The following SUGT1 variants were observed in gnomAD, a reference collection of about 807,000 sequenced individuals.
SUGT1 encodes the protein protein SGT1 homolog.
Under a neutral mutation model 56.1 loss-of-function variants are expected in SUGT1, and 15 were observed. The ratio of observed to expected loss-of-function variants is 0.27; its 90% CI spans 0.18 to 0.41. SUGT1 has a LOEUF of 0.41. Among genes scored for constraint, SUGT1 ranks in the 10% least tolerant of loss-of-function variants. SUGT1 has a pLI of 1.00. For missense variants in SUGT1, 347 were observed against 382.2 expected (o/e 0.91, Z 0.77); for synonymous variants, 123 against 128.6 (o/e 0.96, Z 0.30).
chr13:52,667,448 G>A (rs1251901392), intron 10 of SUGT1, among the ~76,000 whole-genome samples: 1 of 152,048 alleles, frequency 6.6e-6, no homozygotes, highest in African/African-American at 2.4e-5. Flanking sequence ...GGATCCAAGT[G>A]ATTCTCCTGC....
chr13:52,662,845 C>G (rs1962527718), intron 6 of SUGT1, 143 bp downstream of exon 6: 5 of 900,688 alleles, frequency 5.6e-6, no homozygotes, highest in Non-Finnish European at 6.6e-6. Flanking sequence ...TCCAAAGATA[C>G]ACTGGTTTTT....
chr13:52,682,689 T>A (rs975553993), intron 12 of SUGT1, among the ~76,000 whole-genome samples: 16 of 152,200 alleles, frequency 1.1e-4, no homozygotes, highest in African/African-American at 3.6e-4. Context: ...ATTTCTAAGT[T>A]CCCCACTGTG....
chr13:52,691,559 G>A lies in SUGT1; in HGVS notation c.*3724G>A, dbSNP rs374252022. On this transcript the variant is annotated 3_prime_UTR_variant, in exon 13 of 13. Coordinates refer to ENST00000310528, the MANE Select transcript of SUGT1 (RefSeq NM_006704.5). ...TGGAATCTTTCCTGTTCAGATTGGT[G>A]TGCATCTCTCTGAACTTGTAGCTTT... The A allele has an allele frequency of 2.6e-4, 39 of 152,194 alleles. No homozygotes were observed. Among genetic ancestry groups the A allele is most frequent in the African/African-American group, 9.4e-4 (39 of 41,520 alleles). 9.4% of individuals were successfully genotyped at this position (152,194 alleles called of 1,614,324 possible). A position where few individuals can be genotyped will look rare whatever the true frequency, so the allele number is the denominator to read the frequency against.
intron 12 of SUGT1, among the ~76,000 whole-genome samples, chr13:52,686,318 C>T (rs993162721): frequency 4.6e-5 from 7 of 152,130 alleles, no homozygotes; most frequent in African/African-American, 7.2e-5. Flanking sequence ...CTTAGAACTA[C>T]GATATGAATA....
At chr13:52,681,913 G>GC (rs1277325573) in intron 12 of SUGT1, among the ~76,000 whole-genome samples, 1 of 12,082 alleles carries the variant, frequency 8.3e-5, no homozygotes, top group Non-Finnish European at 1.5e-4. Context: ...CTATCTTATG[G>GC]CCATACTAAC....
At chr13:52,686,546 G>A (rs1242286182) in intron 12 of SUGT1, among the ~76,000 whole-genome samples, 1 of 152,180 alleles carries the variant, frequency 6.6e-6, no homozygotes, top group East Asian at 1.9e-4. Flanking sequence ...TTCATGTTTG[G>A]AAGATGACTA....
At chr13:52,685,700 G>A (rs1030143123) in intron 12 of SUGT1, among the ~76,000 whole-genome samples, 1 of 152,084 alleles carries the variant, frequency 6.6e-6, no homozygotes, top group Non-Finnish European at 1.5e-5. Flanking sequence ...TGGAATATAC[G>A]AGGGGCTTCT....
intron 10 of SUGT1, among the ~76,000 whole-genome samples, chr13:52,674,086 G>T (rs972730877): frequency 9.0e-6 from 1 of 111,086 alleles, no homozygotes; most frequent in African/African-American, 3.6e-5. Context: ...ACAGAGTCTC[G>T]CTCTGTTGCC....
Position 52,687,736 on chromosome 13 carries a change from G to T in SUGT1, c.903G>T (p.Met301Ile). ...EVKRAMNKSFMESGGTVLSTN... is the reference protein window; with the variant it reads ...EVKRAMNKSFIESGGTVLSTN... ...TCTATTTTTATTTTTCATTGCAGAT[G>T]GAGTCGGGTGGTACAGTTTTGAGTA... is the stretch of plus-strand genomic sequence containing the variant. The change falls in exon 13 of 13, where the codon ATG (methionine) becomes ATT (isoleucine). Residue 301 changes from methionine (M) to isoleucine (I), a missense_variant and splice_region_variant. By Grantham distance (10) the Met-to-Ile change is conservative. Transcript: ENST00000310528. The T allele has an allele frequency of 6.4e-7, 1 of 1,573,858 alleles. No homozygotes were observed. Among genetic ancestry groups the T allele is most frequent in the Non-Finnish European group, 8.6e-7 (1 of 1,166,436 alleles).
rs775758808 is a variant in SUGT1 at position 52,688,141 on chromosome 13, G to A, written c.*306G>A. ...GAGAAATCTTTAATGGTATATTTTC[G>A]GTTATTGCCTTATTTTTGATACAGT... is the stretch of plus-strand genomic sequence containing the variant. On this transcript the variant is annotated 3_prime_UTR_variant, in exon 13 of 13. Transcript: ENST00000310528. The A allele has an allele frequency of 1.1e-4, 19 of 167,774 alleles. No individual in the cohort carries two copies. The highest frequency in any genetic ancestry group is 2.9e-4 in the African/African-American group (12 of 41,936). 10.4% of individuals were successfully genotyped at this position (167,774 alleles called of 1,614,324 possible). A position where few individuals can be genotyped will look rare whatever the true frequency, so the allele number is the denominator to read the frequency against.
rs1963744461 is a variant in SUGT1, at chr13:52,690,419, TA to T, written c.*2585del. The T allele has an allele frequency of 6.6e-6, 1 of 152,108 alleles. No individual in the cohort carries two copies. The highest frequency in any genetic ancestry group is 2.1e-4 in the South Asian group (1 of 4,822). The allele number at this position is 152,108 out of a possible 1,614,324, so 9.4% of individuals were successfully genotyped here. ...CTCAAATTTTGGTTCTCAGTGCTGT[TA>T]GTATTAGTAGCCTTTTGTTTCTTCA... On this transcript the variant is annotated 3_prime_UTR_variant, in exon 13 of 13. Transcript: ENST00000310528.
At chr13:52,675,628 G>A (rs184550815) in intron 10 of SUGT1, among the ~76,000 whole-genome samples, 5 of 152,294 alleles carry the variant, frequency 3.3e-5, no homozygotes, top group Admixed American at 2.0e-4. Context: ...CTGTCTCATA[G>A]TAGGTGCTTA....
At chr13:52,655,333 C>G in intron 2 of SUGT1, among the ~76,000 whole-genome samples, 1 of 152,120 alleles carries the variant, frequency 6.6e-6, no homozygotes, top group African/African-American at 2.4e-5. Flanking sequence ...ACAGTGAGGC[C>G]AGGCCATCAA....
At chr13:52,678,655 A>G (rs948346886) in intron 11 of SUGT1, among the ~76,000 whole-genome samples, 2 of 146,602 alleles carry the variant, frequency 1.4e-5, no homozygotes, top group Admixed American at 7.1e-5. Flanking sequence ...AAAAAAGAAT[A>G]TAAAATATCT....
chr13:52,697,694 C>A lies in SUGT1; in HGVS notation c.*9859C>A, dbSNP rs941516851. The A allele has an allele frequency of 1.5e-4, 23 of 152,078 alleles. No homozygotes were observed. Among genetic ancestry groups the A allele is most frequent in the African/African-American group, 5.6e-4 (23 of 41,434 alleles). The allele number at this position is 152,078 out of a possible 1,614,324, so 9.4% of individuals were successfully genotyped here. ...AGTCTTTGCAGTCAAAAGCCATACA[C>A]TTTTTCTTTGAGTGAGCCTTTACTT... On this transcript the variant is annotated 3_prime_UTR_variant, in exon 13 of 13. Coordinates refer to ENST00000310528, the MANE Select transcript of SUGT1 (RefSeq NM_006704.5).
intron 10 of SUGT1, among the ~76,000 whole-genome samples, chr13:52,672,018 T>G (rs899656186): frequency 6.6e-6 from 1 of 152,184 alleles, no homozygotes; most frequent in Non-Finnish European, 1.5e-5. Flanking sequence ...ATGATATATG[T>G]GAAGCATGTA....
intron 10 of SUGT1, among the ~76,000 whole-genome samples, chr13:52,667,740 T>A (rs1280150162): frequency 1.3e-5 from 2 of 152,128 alleles, no homozygotes; most frequent in African/African-American, 4.8e-5. Flanking sequence ...GATAATAGTG[T>A]AATTTAGTAG....
rs1963840117 is a variant in SUGT1 at position 52,693,611 on chromosome 13, A to G, written c.*5776A>G. 1 of 152,058 alleles carries G rather than the reference A, an allele frequency of 6.6e-6. No homozygotes were observed. Among genetic ancestry groups the G allele is most frequent in the African/African-American group, 2.4e-5 (1 of 41,346 alleles). 9.4% of individuals were successfully genotyped at this position (152,058 alleles called of 1,614,324 possible). A position where few individuals can be genotyped will look rare whatever the true frequency, so the allele number is the denominator to read the frequency against. On this transcript the variant is annotated 3_prime_UTR_variant, in exon 13 of 13. Transcript: ENST00000310528. Reference sequence around the variant, plus strand: ...TGCCTCAGTTTTTGTGTCTATGTAAAGGAGATAATAGGATCCCCCTCATGC... The same window carrying G: ...TGCCTCAGTTTTTGTGTCTATGTAAGGGAGATAATAGGATCCCCCTCATGC...
intron 12 of SUGT1, among the ~76,000 whole-genome samples, chr13:52,685,256 C>CTTTTT (rs59104304): frequency 4.6e-5 from 4 of 87,734 alleles, no homozygotes; most frequent in Non-Finnish European, 9.0e-5. Context: ...TCTTCTTCTT[C>CTTTTT]TTTTTTTTTT....
Sources: allele counts gnomAD v4.1 joint callset (sites outside exome capture counted in the v4.1 genomes callset), GRCh38; gene constraint gnomAD v4.1.1; transcripts MANE v1.5; gene names NCBI Gene and HGNC (gene_info 2026-07-23, HGNC 2026-07-21).